Variants in UTP20 observed in about 807,000 individuals in gnomAD.
The protein encoded by UTP20 is UTP20 small subunit processome component.
A neutral mutation model predicts 329.5 loss-of-function variants in UTP20; 164 were observed. The ratio of observed to expected loss-of-function variants is 0.50; its 90% CI spans 0.44 to 0.57. The LOEUF is 0.57. UTP20 is among the 20% of genes least tolerant of loss of function. The probability of loss-of-function intolerance (pLI) is 0.00; values close to 1 mark genes in which losing one functional copy is unlikely to be tolerated. For synonymous variants in UTP20, 1,151 were observed against 1,159.3 expected (o/e 0.99, Z 0.14); for missense variants, 3,055 against 3,284.2 (o/e 0.93, Z 1.71).
Position 101,329,595 on chromosome 12 carries a change from T to C in UTP20, c.3417+146T>C, listed in dbSNP as rs191106168. On this transcript the variant is annotated intron_variant, in intron 27 of 61. Coordinates refer to ENST00000261637, the MANE Select transcript of UTP20 (RefSeq NM_014503.3). ...ACAAAGCCCAAAATTGTAAATGATTTAAGTGAAAATAAATTTCACAATATC... is the reference window on the plus strand; with the variant it reads ...ACAAAGCCCAAAATTGTAAATGATTCAAGTGAAAATAAATTTCACAATATC... The C allele has an allele frequency of 4.0e-4, 298 of 751,040 alleles. 1 individual carries two copies. The African/African-American group carries it at 4.7e-3, about 12-fold the overall frequency. 46.5% of individuals were successfully genotyped at this position (751,040 alleles called of 1,614,324 possible). A position where few individuals can be genotyped will look rare whatever the true frequency, so the allele number is the denominator to read the frequency against.
chr12:101,356,589 A>G lies in UTP20; in HGVS notation c.5430A>G (p.Ser1810=), dbSNP rs757710324. Residue 1810 remains serine (S), a synonymous_variant, in exon 42 of 62, where the codon TCA becomes TCG. Transcript: ENST00000261637. ...KREEEHKLVK[S]KVVNDEEVVR... is the part of the protein sequence containing the mutation. ...AAGAAGAACACAAGCTTGTCAAGTC[A>G]AAGGTTGTGAATGATGAGGAAGTCG... The G allele has an allele frequency of 6.2e-7, 1 of 1,613,698 alleles. No homozygotes were observed. Among genetic ancestry groups the G allele is most frequent in the Non-Finnish European group, 8.5e-7 (1 of 1,179,820 alleles).
chr12:101,367,874 T>C lies in UTP20; in HGVS notation c.6282T>C (p.Ser2094=), dbSNP rs768618723. 1.2e-6 allele frequency: 2 copies of C among 1,613,212 alleles called. No homozygotes were observed. Among genetic ancestry groups the C allele is most frequent in the South Asian group, 1.1e-5 (1 of 91,074 alleles). ...AACTCTCTTAGCTGCTGCATCTGAGTCTGAAGACTTCCAAGATCAAGTCTT... is the reference window on the plus strand; with the variant it reads ...AACTCTCTTAGCTGCTGCATCTGAGCCTGAAGACTTCCAAGATCAAGTCTT... ...IESGLRLLHL[S]LKTSKIKSSG... The change falls in exon 48 of 62, where the codon AGT becomes AGC. Residue 2094 remains serine (S), a synonymous_variant. Coordinates refer to ENST00000261637, the MANE Select transcript of UTP20 (RefSeq NM_014503.3).
chr12:101,337,991 A>C, intron 29 of UTP20, 60 bp from the exon 30 acceptor site: 2 of 1,458,482 alleles, frequency 1.4e-6, no homozygotes. Flanking sequence ...TCATATGGAC[A>C]TGTTTTTAGA....
intron 59 of UTP20, 104 bp downstream of exon 59, chr12:101,383,417 C>T (rs1264888533): frequency 6.7e-7 from 1 of 1,483,534 alleles, no homozygotes. Context: ...TATCTTTGAA[C>T]CCCAAACTGC....
intron 38 of UTP20, among the ~76,000 whole-genome samples, chr12:101,350,351 G>A (rs772486165): frequency 1.3e-4 from 20 of 152,082 alleles, no homozygotes; most frequent in Middle Eastern, 3.4e-3. Flanking sequence ...TTTATTTTTT[G>A]TAGAGATGGG....
Position 101,373,434 on chromosome 12 carries a change from G to A in UTP20, c.6912G>A (p.Leu2304=), listed in dbSNP as rs185275208. Residue 2304 remains leucine, a synonymous_variant, in exon 53 of 62, where the codon TTG becomes TTA. Coordinates refer to ENST00000261637, the MANE Select transcript of UTP20 (RefSeq NM_014503.3). ...ATGAGACCGGGAGAGAGTCCACCTT[G>A]GAAATGATCGCCTATCTCTTTGACA... ...YEHETGREST[L]EMIAYLFDTF... 1.4e-5 allele frequency: 22 copies of A among 1,614,164 alleles called. No homozygotes were observed. The East Asian group carries it at 4.5e-4, about 33-fold the overall frequency.
chr12:101,315,775 G>A (rs771188885), intron 21 of UTP20, among the ~76,000 whole-genome samples: 2 of 152,088 alleles, frequency 1.3e-5, no homozygotes, highest in African/African-American at 2.4e-5. Flanking sequence ...ATGCCAGCTG[G>A]CATTTATGGT....
Position 101,373,475 on chromosome 12 carries a change from T to C in UTP20, c.6948+5T>C, listed in dbSNP as rs201254971. 6.2e-7 allele frequency: 1 copy of C among 1,614,204 alleles called. No homozygotes were observed. Among genetic ancestry groups the C allele is most frequent in the African/African-American group, 1.3e-5 (1 of 75,064 alleles). ...CTCTTTGACACGTTCCCTCAGGTAC[T>C]GTGACCCCAGAGATAAGCCCCGTGA... On this transcript the variant is annotated splice_donor_5th_base_variant and intron_variant, in intron 53 of 61. Transcript: ENST00000261637.
intron 51 of UTP20, among the ~76,000 whole-genome samples, chr12:101,371,523 C>CTTTTT (rs58024998): frequency 3.1e-5 from 2 of 65,390 alleles, no homozygotes; most frequent in Admixed American, 2.2e-4. Flanking sequence ...GGGCTTTGTT[C>CTTTTT]TTTTTTTTTT....
intron 2 of UTP20, among the ~76,000 whole-genome samples, chr12:101,283,564 C>T (rs917999025): frequency 4.6e-5 from 7 of 152,182 alleles, no homozygotes; most frequent in Non-Finnish European, 1.0e-4. Flanking sequence ...GACATGGTCT[C>T]TCACACATAG....
At chr12:101,313,126 A>T (rs1394559376) in intron 21 of UTP20, among the ~76,000 whole-genome samples, 2 of 152,138 alleles carry the variant, frequency 1.3e-5, no homozygotes, top group Non-Finnish European at 2.9e-5. Context: ...ATGCTATGTG[A>T]GAGTCTGATT....
chr12:101,355,642 A>G (rs1356863834), intron 41 of UTP20, among the ~76,000 whole-genome samples: 1 of 152,196 alleles, frequency 6.6e-6, no homozygotes, highest in Non-Finnish European at 1.5e-5. Flanking sequence ...CGTAGTGTTT[A>G]GTACTGCCTT....
intron 47 of UTP20, 108 bp from the exon 48 acceptor site, chr12:101,367,751 TA>T: frequency 1.4e-6 from 1 of 704,306 alleles, no homozygotes; most frequent in Non-Finnish European, 2.5e-6. Context: ...TCATTTCTAA[TA>T]GAAGTATCTT....
At chr12:101,385,339 G>C (rs974308467) in intron 60 of UTP20, among the ~76,000 whole-genome samples, 4 of 152,126 alleles carry the variant, frequency 2.6e-5, no homozygotes, top group South Asian at 4.2e-4. Flanking sequence ...GTGGTGGCTG[G>C]AGTGCTATGT....
chr12:101,345,538 C>A lies in UTP20; in HGVS notation c.4606-16C>A. ...TTTTTAAAATAAAATGTTTTTTCTC[C>A]ACTTCATATTTACAGAGTATTCAGC... On this transcript the variant is annotated splice_polypyrimidine_tract_variant and intron_variant, in intron 36 of 61. Coordinates refer to ENST00000261637, the MANE Select transcript of UTP20 (RefSeq NM_014503.3). 7.0e-7 allele frequency: 1 copy of A among 1,427,206 alleles called. No individual in the cohort carries two copies. The highest frequency in any genetic ancestry group is 9.4e-7 in the Non-Finnish European group (1 of 1,064,828). 88.4% of individuals were successfully genotyped at this position (1,427,206 alleles called of 1,614,324 possible). A position where few individuals can be genotyped will look rare whatever the true frequency, so the allele number is the denominator to read the frequency against.
intron 8 of UTP20, 148 bp from the exon 9 acceptor site, chr12:101,291,594 C>G: frequency 7.7e-6 from 3 of 391,438 alleles, no homozygotes; most frequent in Non-Finnish European, 8.5e-6. Flanking sequence ...CCAATGTTAG[C>G]TGTTATCGTT....
chr12:101,381,245 G>T, intron 58 of UTP20, 34 bp downstream of exon 58: 1 of 1,573,586 alleles, frequency 6.4e-7, no homozygotes, highest in Non-Finnish European at 8.7e-7. Context: ...TTAAAAGAAG[G>T]GGCCGGCTGG....
intron 33 of UTP20, 94 bp downstream of exon 33, chr12:101,342,683 G>A: frequency 6.5e-7 from 1 of 1,533,690 alleles, no homozygotes; most frequent in Non-Finnish European, 8.9e-7. Flanking sequence ...ATGCCAGGGT[G>A]ATGTTTTTAT....
chr12:101,308,631 C>T (rs768467208), intron 18 of UTP20, among the ~76,000 whole-genome samples: 8 of 151,688 alleles, frequency 5.3e-5, no homozygotes, highest in South Asian at 2.1e-4. Context: ...ACCTGAGTGA[C>T]GCAGGTAGGT....
Sources: allele counts gnomAD v4.1 joint callset (sites outside exome capture counted in the v4.1 genomes callset), GRCh38; gene constraint gnomAD v4.1.1; transcripts MANE v1.5; gene names NCBI Gene and HGNC (gene_info 2026-07-23, HGNC 2026-07-21).